The following RRBP1 variants were observed in gnomAD, a reference collection of about 807,000 sequenced individuals.
RRBP1 encodes ribosome-binding protein 1.
A neutral mutation model predicts 165.2 loss-of-function variants in RRBP1; 94 were observed. The ratio of observed to expected loss-of-function variants is 0.57; its 90% confidence interval spans 0.48 to 0.68. RRBP1 has a LOEUF of 0.68. Among genes scored for constraint, RRBP1 ranks in the 30% least tolerant of loss-of-function variants. The pLI is 0.00. For synonymous variants in RRBP1, 680 were observed against 714.5 expected (o/e 0.95, Z 0.77); for missense variants, 1,676 against 1,763.0 (o/e 0.95, Z 0.88).
chr20:17,639,645 G>A (rs932045539), intron 5 of RRBP1, among the ~76,000 whole-genome samples: 1 of 152,182 alleles, frequency 6.6e-6, no homozygotes, highest in African/African-American at 2.4e-5. Context: ...TGCAATCCCA[G>A]CACTTTGGGA....
At chr20:17,667,536 T>G (rs1012021841) in intron 2 of RRBP1, among the ~76,000 whole-genome samples, 2 of 152,218 alleles carry the variant, frequency 1.3e-5, no homozygotes, top group Non-Finnish European at 2.9e-5. Context: ...CTACAAGCTG[T>G]GATGCTAACA....
intron 2 of RRBP1, 66 bp from the exon 3 acceptor site, chr20:17,660,594 C>T: frequency 2.1e-6 from 2 of 944,272 alleles, no homozygotes; most frequent in South Asian, 1.6e-5. Flanking sequence ...CTATCCCCAC[C>T]CTACCACCAA....
At chr20:17,630,824 G>C (rs1441410928) in intron 8 of RRBP1, among the ~76,000 whole-genome samples, 2 of 152,260 alleles carry the variant, frequency 1.3e-5, no homozygotes. Context: ...ACAGATGACT[G>C]CTGTTTGAAT....
At chr20:17,680,356 T>C (rs2037158300) in intron 1 of RRBP1, among the ~76,000 whole-genome samples, 1 of 151,964 alleles carries the variant, frequency 6.6e-6, no homozygotes, top group Non-Finnish European at 1.5e-5. Flanking sequence ...TCTGAAGAGG[T>C]ATCTAATGTG....
intron 2 of RRBP1, among the ~76,000 whole-genome samples, chr20:17,673,113 T>G (rs745748318): frequency 8.5e-5 from 13 of 152,368 alleles, no homozygotes; most frequent in Admixed American, 5.9e-4. Context: ...TTTTTCTGTA[T>G]ATATTTTACT....
chr20:17,635,930 G>C (rs2036239484), intron 6 of RRBP1, among the ~76,000 whole-genome samples: 1 of 152,104 alleles, frequency 6.6e-6, no homozygotes, highest in African/African-American at 2.4e-5. Context: ...CTCAGCCCAG[G>C]GTCTCTGACA....
At chr20:17,618,900 T>C in intron 19 of RRBP1, 1 of 547,956 alleles carries the variant, frequency 1.8e-6, no homozygotes, top group Non-Finnish European at 3.3e-6. Flanking sequence ...CGTACCTCTT[T>C]CAGGCCTTCA....
chr20:17,673,700 G>A (rs180737880), intron 2 of RRBP1, among the ~76,000 whole-genome samples: 49 of 152,258 alleles, frequency 3.2e-4, no homozygotes, highest in Non-Finnish European at 5.1e-4. Context: ...GAGCCACCAT[G>A]CCCGGCCCAC....
chr20:17,661,474 A>C (rs2036765450), intron 2 of RRBP1, among the ~76,000 whole-genome samples: 1 of 152,176 alleles, frequency 6.6e-6, no homozygotes, highest in Non-Finnish European at 1.5e-5. Context: ...AGAATGAACA[A>C]CACCATTCTC....
chr20:17,669,108 C>T (rs2036925913), intron 2 of RRBP1, among the ~76,000 whole-genome samples: 3 of 151,960 alleles, frequency 2.0e-5, no homozygotes, highest in African/African-American at 7.3e-5. Context: ...ATATAATGGA[C>T]TCCCTATTTT....
At chr20:17,623,005 G>A (rs1218099164) in intron 13 of RRBP1, 2 of 152,218 alleles carry the variant, frequency 1.3e-5, no homozygotes, top group Non-Finnish European at 2.9e-5. Flanking sequence ...TTATCCACAG[G>A]TAGGGCCCGT....
At chr20:17,675,565 G>A (rs552142542) in intron 2 of RRBP1, among the ~76,000 whole-genome samples, 1 of 152,248 alleles carries the variant, frequency 6.6e-6, no homozygotes, top group Admixed American at 6.5e-5. Flanking sequence ...GGGTGGGAGA[G>A]CGTCAGAGGC....
chr20:17,675,475 G>A (rs917053447), intron 2 of RRBP1, among the ~76,000 whole-genome samples: 3 of 150,668 alleles, frequency 2.0e-5, no homozygotes, highest in African/African-American at 7.3e-5. Context: ...CAGAGGGGGA[G>A]ATGACAAAGT....
intron 4 of RRBP1, 122 bp from the exon 5 acceptor site, chr20:17,642,041 G>A: frequency 9.3e-7 from 1 of 1,079,688 alleles, no homozygotes; most frequent in Non-Finnish European, 1.3e-6. Flanking sequence ...CGAGTCAAGG[G>A]TTCCACTGGG....
intron 3 of RRBP1, among the ~76,000 whole-genome samples, chr20:17,652,601 C>T (rs1009300513): frequency 1.3e-5 from 2 of 152,174 alleles, no homozygotes; most frequent in Non-Finnish European, 2.9e-5. Flanking sequence ...TTCTAGATGC[C>T]CAGGGCCAGT....
intron 2 of RRBP1, among the ~76,000 whole-genome samples, chr20:17,670,273 T>C (rs1378274467): frequency 6.6e-6 from 1 of 152,246 alleles, no homozygotes; most frequent in African/African-American, 2.4e-5. Flanking sequence ...GATTTAGTCA[T>C]ACATACTGCT....
chr20:17,620,909 C>T lies in RRBP1; in HGVS notation c.3415-102G>A, dbSNP rs145590787. The T allele has an allele frequency of 1.3e-4, 105 of 812,534 alleles. No individual in the cohort carries two copies. The African/African-American group carries it at 1.5e-3, about 12-fold the overall frequency. 50.3% of individuals were successfully genotyped at this position (812,534 alleles called of 1,614,324 possible). On this transcript the variant is annotated intron_variant, in intron 16 of 24. Coordinates refer to ENST00000377813, the MANE Select transcript of RRBP1 (RefSeq NM_001365613.2). ...GCAGCCCTGGTGACCTGCCGTGCTCCGCCTGCTGACTTCATGAGCGCCAGC... is the reference window on the plus strand; with the variant it reads ...GCAGCCCTGGTGACCTGCCGTGCTCTGCCTGCTGACTTCATGAGCGCCAGC...
At chr20:17,645,116 ACT>A (rs1442418756) in intron 3 of RRBP1, among the ~76,000 whole-genome samples, 3 of 151,902 alleles carry the variant, frequency 2.0e-5, no homozygotes, top group African/African-American at 7.3e-5. Flanking sequence ...CCTCTCTTGA[ACT>A]CTCTCCTTAA....
At chr20:17,642,148 T>C (rs2036375551) in intron 4 of RRBP1, among the ~76,000 whole-genome samples, 2 of 152,216 alleles carry the variant, frequency 1.3e-5, no homozygotes, top group African/African-American at 4.8e-5. Context: ...GGCCAAAGGC[T>C]TTGAATCCCT....
Sources: allele counts gnomAD v4.1 joint callset (sites outside exome capture counted in the v4.1 genomes callset), GRCh38; gene constraint gnomAD v4.1.1; transcripts MANE v1.5; gene names NCBI Gene and HGNC (gene_info 2026-07-23, HGNC 2026-07-21).